IPCEF1: variants seen among roughly 807,000 people sequenced by gnomAD.
The protein encoded by IPCEF1 is interaction protein for cytohesin exchange factors 1, also known as interactor protein for cytohesin exchange factors 1.
Under a neutral mutation model 50.9 loss-of-function variants are expected in IPCEF1, and 31 were observed. That is an observed-to-expected ratio of 0.61 (90% CI 0.46 to 0.82). The LOEUF (loss-of-function observed/expected upper bound fraction) is 0.82. Ranked by LOEUF, IPCEF1 falls within the 40% of genes least tolerant of loss-of-function variation. IPCEF1 has a pLI of 0.00. For missense variants in IPCEF1, 458 were observed against 514.0 expected (o/e 0.89, Z 1.05); for synonymous variants, 181 against 192.0 (o/e 0.94, Z 0.47).
At chr6:154,212,946 G>T in intron 8 of IPCEF1, 91 bp from the exon 9 acceptor site, 1 of 868,368 alleles carries the variant, frequency 1.2e-6, no homozygotes. Context: ...TCTGGCTATT[G>T]CAATTTCAAT....
At chr6:154,350,533 G>A (rs905753246) in intron 1 of IPCEF1, among the ~76,000 whole-genome samples, 17 of 152,288 alleles carry the variant, frequency 1.1e-4, no homozygotes, top group African/African-American at 4.1e-4. Context: ...AATGAGTCAC[G>A]TCCAATTTGG....
chr6:154,180,757 A>C (rs1465373357), intron 10 of IPCEF1, among the ~76,000 whole-genome samples: 1 of 152,244 alleles, frequency 6.6e-6, no homozygotes, highest in African/African-American at 2.4e-5. Flanking sequence ...TGGATTCAGA[A>C]GACAGGAGGG....
chr6:154,242,585 A>C (rs907781862), intron 5 of IPCEF1, among the ~76,000 whole-genome samples: 4 of 152,180 alleles, frequency 2.6e-5, no homozygotes, highest in Non-Finnish European at 5.9e-5. Context: ...GAGGACAAGC[A>C]TGATAGTAAG....
intron 1 of IPCEF1, among the ~76,000 whole-genome samples, chr6:154,320,401 T>C (rs1196349850): frequency 6.6e-6 from 1 of 152,208 alleles, no homozygotes; most frequent in African/African-American, 2.4e-5. Flanking sequence ...TAAAAAGAGA[T>C]GAGACTCAAT....
chr6:154,252,504 G>A (rs1476109339), intron 3 of IPCEF1, among the ~76,000 whole-genome samples: 3 of 151,950 alleles, frequency 2.0e-5, no homozygotes, highest in African/African-American at 2.4e-5. Flanking sequence ...GTGAAACTCC[G>A]TCTCTACTAA....
At chr6:154,214,404 A>C in intron 7 of IPCEF1, 128 bp from the exon 8 acceptor site, 1 of 752,208 alleles carries the variant, frequency 1.3e-6, no homozygotes, top group Non-Finnish European at 2.4e-6. Flanking sequence ...CAGAAAGAGC[A>C]TAAGTTTGTG....
chr6:154,219,693 C>A (rs1471621376), intron 7 of IPCEF1, among the ~76,000 whole-genome samples: 1 of 151,976 alleles, frequency 6.6e-6, no homozygotes, highest in South Asian at 2.1e-4. Flanking sequence ...CCTCTCCATT[C>A]GTGTATCTGT....
At chr6:154,334,896 C>G (rs751829773) in intron 1 of IPCEF1, among the ~76,000 whole-genome samples, 1 of 152,138 alleles carries the variant, frequency 6.6e-6, no homozygotes, top group African/African-American at 2.4e-5. Flanking sequence ...TCTGATTTTC[C>G]CCCACCTCCC....
chr6:154,308,222 C>T (rs1295230851), intron 1 of IPCEF1, among the ~76,000 whole-genome samples: 1 of 152,218 alleles, frequency 6.6e-6, no homozygotes, highest in Non-Finnish European at 1.5e-5. Flanking sequence ...TCAAGCGATC[C>T]TCAAACCCCA....
Position 154,167,925 on chromosome 6 carries a change from A to C in IPCEF1, c.1099T>G (p.Leu367Val). Residue 367 changes from leucine to valine, a missense_variant, in exon 11 of 12, where the codon TTA (leucine) becomes GTA (valine). By Grantham distance (32) the Leu-to-Val change is conservative. Transcript: ENST00000367220. ...LHKIRTLNST[L>V]KCKEHDLAMI... ...ACAATTTGAAATTTTGTTACCTTTA[A>C]TGTGCTATTCAATGTTCGGATTTTG... is the stretch of plus-strand genomic sequence containing the variant. The C allele has an allele frequency of 6.3e-7, 1 of 1,587,174 alleles. No homozygotes were observed. Among genetic ancestry groups the C allele is most frequent in the Non-Finnish European group, 8.6e-7 (1 of 1,158,730 alleles).
intron 1 of IPCEF1, chr6:154,329,964 C>G (rs1267850994): frequency 6.6e-6 from 1 of 152,424 alleles, no homozygotes; most frequent in Non-Finnish European, 1.5e-5. Context: ...GTCCAAACTT[C>G]TTACTAGTTT....
intron 5 of IPCEF1, among the ~76,000 whole-genome samples, chr6:154,239,925 C>A (rs1780445029): frequency 6.6e-6 from 1 of 152,196 alleles, no homozygotes; most frequent in Non-Finnish European, 1.5e-5. Context: ...TGATCTTGAA[C>A]TCCTGACCTT....
chr6:154,236,554 T>TA (rs1315811078), intron 5 of IPCEF1, among the ~76,000 whole-genome samples: 2 of 152,228 alleles, frequency 1.3e-5, no homozygotes, highest in Admixed American at 6.5e-5. Flanking sequence ...TAAACTTCAT[T>TA]AAAAAACATT....
intron 10 of IPCEF1, among the ~76,000 whole-genome samples, chr6:154,185,960 T>G (rs1801304032): frequency 6.6e-6 from 1 of 152,254 alleles, no homozygotes; most frequent in Non-Finnish European, 1.5e-5. Context: ...ACGACCCTTT[T>G]GGTTCCCCTT....
chr6:154,252,301 G>T (rs189039729), intron 3 of IPCEF1, among the ~76,000 whole-genome samples: 120 of 152,264 alleles, frequency 7.9e-4, no homozygotes, highest in Admixed American at 2.6e-3. Context: ...CAGGAGAGAA[G>T]GTTGTCGTGG....
chr6:154,158,959 C>T lies in IPCEF1; in HGVS notation c.*869G>A, dbSNP rs887247040. 1.3e-5 allele frequency: 2 copies of T among 152,036 alleles called. No individual in the cohort carries two copies. Among genetic ancestry groups the T allele is most frequent in the African/African-American group, 2.4e-5 (1 of 41,372 alleles). 9.4% of individuals were successfully genotyped at this position (152,036 alleles called of 1,614,324 possible). A position where few individuals can be genotyped will look rare whatever the true frequency, so the allele number is the denominator to read the frequency against. ...ATTAAAACAATTCAGATGCCAAAGTCGTCTTGTCAATATTGATCCTGGGAA... is the reference window on the plus strand; with the variant it reads ...ATTAAAACAATTCAGATGCCAAAGTTGTCTTGTCAATATTGATCCTGGGAA... On this transcript the variant is annotated 3_prime_UTR_variant, in exon 12 of 12. Coordinates refer to ENST00000367220, the MANE Select transcript of IPCEF1 (RefSeq NM_001130700.2).
intron 1 of IPCEF1, among the ~76,000 whole-genome samples, chr6:154,305,210 C>T (rs1782901523): frequency 6.6e-6 from 1 of 152,154 alleles, no homozygotes; most frequent in African/African-American, 2.4e-5. Flanking sequence ...AGAGTTTACC[C>T]AGTCAGGTGT....
chr6:154,207,710 C>A (rs1246798320), intron 9 of IPCEF1, among the ~76,000 whole-genome samples: 2 of 152,142 alleles, frequency 1.3e-5, no homozygotes, highest in Non-Finnish European at 2.9e-5. Flanking sequence ...CCACAGTTTG[C>A]AGGATTTATT....
chr6:154,322,404 C>CA (rs1171741193), intron 1 of IPCEF1, among the ~76,000 whole-genome samples: 31 of 140,536 alleles, frequency 2.2e-4, no homozygotes, highest in African/African-American at 8.5e-4. Context: ...ACACACACAC[C>CA]CCTATGTTTG....
Sources: allele counts gnomAD v4.1 joint callset (sites outside exome capture counted in the v4.1 genomes callset), GRCh38; gene constraint gnomAD v4.1.1; transcripts MANE v1.5; gene names NCBI Gene and HGNC (gene_info 2026-07-23, HGNC 2026-07-21).